ANKRD62: variants seen among roughly 807,000 people sequenced by gnomAD.
ANKRD62 encodes ankyrin repeat domain-containing protein 62.
Under a neutral mutation model 98.8 loss-of-function variants are expected in ANKRD62, and 61 were observed. The ratio of observed to expected loss-of-function variants is 0.62; its 90% CI spans 0.50 to 0.76. The LOEUF (loss-of-function observed/expected upper bound fraction) is 0.76. Ranked by LOEUF, ANKRD62 falls within the 30% of genes least tolerant of loss-of-function variation. The pLI is 0.00. For missense variants in ANKRD62, 933 were observed against 1,082.9 expected (o/e 0.86, Z 1.94); for synonymous variants, 341 against 367.9 (o/e 0.93, Z 0.84).
chr18:12,166,189 C>T, the ANKRD62 span, among the ~76,000 whole-genome samples: 150 of 152,068 alleles, frequency 9.9e-4, no homozygotes, highest in Middle Eastern at 6.8e-3. Flanking sequence ...TCCCAGGTTT[C>T]GGAAGTTCTC....
chr18:12,165,676 G>T, the ANKRD62 span, among the ~76,000 whole-genome samples: 1 of 152,018 alleles, frequency 6.6e-6, no homozygotes, highest in African/African-American at 2.4e-5. Context: ...GATAAGAGTA[G>T]TTTCACACCA....
rs189328462 is a variant in ANKRD62 at position 12,126,056 on chromosome 18, G to A, written c.2235G>A (p.Gln745=). Residue 745 remains glutamine, a synonymous_variant, in exon 13 of 14, where the codon CAG becomes CAA. Transcript: ENST00000587848. ...TGCAAGGAGTCCTAAGCCGAACACAGCGTCGATTGGAGGACATTGAACACA... is the reference window on the plus strand; with the variant it reads ...TGCAAGGAGTCCTAAGCCGAACACAACGTCGATTGGAGGACATTGAACACA... The part of the protein sequence containing the change: ...EHMQGVLSRT[Q]RRLEDIEHMY... 79 of 1,536,210 alleles carry A rather than the reference G, an allele frequency of 5.1e-5. No homozygotes were observed. The highest frequency in any genetic ancestry group is 6.7e-5 in the Non-Finnish European group (77 of 1,146,916).
intron 12 of ANKRD62, among the ~76,000 whole-genome samples, chr18:12,124,829 G>A (rs1044165058): frequency 1.3e-5 from 2 of 152,148 alleles, no homozygotes; most frequent in African/African-American, 4.8e-5. Context: ...GAAAAATCCA[G>A]CAGCTTGCTT....
intron 8 of ANKRD62, among the ~76,000 whole-genome samples, chr18:12,111,248 C>CA (rs35918523): frequency 0.43 from 53,662 of 124,432 alleles, 10,368 homozygotes; most frequent in African/African-American, 0.51. Context: ...GACTGCCTCT[C>CA]AAAAAAAAAA....
chr18:12,099,589 T>G (rs1909254904), intron 5 of ANKRD62, 26 bp from the exon 6 acceptor site: 1 of 1,404,014 alleles, frequency 7.1e-7, no homozygotes. Flanking sequence ...AAATAGTAAT[T>G]GTATTTACTG....
intron 4 of ANKRD62, among the ~76,000 whole-genome samples, chr18:12,097,108 A>C (rs9951744): frequency 0.59 from 90,293 of 151,886 alleles, 27,377 homozygotes; most frequent in Middle Eastern, 0.75. Flanking sequence ...GAGGATAATA[A>C]TATATCCTTC....
At chr18:12,173,373 A>G in the ANKRD62 span, among the ~76,000 whole-genome samples, 1 of 151,878 alleles carries the variant, frequency 6.6e-6, no homozygotes, top group Non-Finnish European at 1.5e-5. Flanking sequence ...CTTTATTTTG[A>G]GCCTATGTGT....
intron 8 of ANKRD62, among the ~76,000 whole-genome samples, chr18:12,108,177 T>C (rs920084953): frequency 6.6e-6 from 1 of 152,188 alleles, no homozygotes; most frequent in African/African-American, 2.4e-5. Context: ...CTTTAAAGCA[T>C]TGGGTTTGAT....
intron 5 of ANKRD62, among the ~76,000 whole-genome samples, chr18:12,098,033 C>T (rs1309584777): frequency 6.6e-6 from 1 of 152,188 alleles, no homozygotes; most frequent in African/African-American, 2.4e-5. Flanking sequence ...TTTGTCTTCT[C>T]TCTAGCAAAT....
chr18:12,113,838 G>A (rs1388758241), intron 8 of ANKRD62, among the ~76,000 whole-genome samples: 1 of 152,162 alleles, frequency 6.6e-6, no homozygotes. Flanking sequence ...AAAGACACAT[G>A]CATATGTTCA....
At chr18:12,099,979 C>T (rs542313852) in intron 6 of ANKRD62, among the ~76,000 whole-genome samples, 3 of 152,134 alleles carry the variant, frequency 2.0e-5, no homozygotes, top group Non-Finnish European at 2.9e-5. Context: ...GGTATGTTTT[C>T]TTTATAGTCA....
chr18:12,171,322 A>G, the ANKRD62 span, among the ~76,000 whole-genome samples: 1 of 152,106 alleles, frequency 6.6e-6, no homozygotes, highest in African/African-American at 2.4e-5. Context: ...AGCTCTTGTA[A>G]GGCAGGCCTG....
chr18:12,116,297 GCA>G (rs1181287778), intron 10 of ANKRD62, among the ~76,000 whole-genome samples: 1 of 152,140 alleles, frequency 6.6e-6, no homozygotes, highest in Non-Finnish European at 1.5e-5. Context: ...CATCTGATCA[GCA>G]CAACAGGACA....
the ANKRD62 span, among the ~76,000 whole-genome samples, chr18:12,152,082 C>CA: frequency 0.029 from 2,917 of 99,820 alleles, 71 homozygotes; most frequent in African/African-American, 0.085. Context: ...AATAAGCTAC[C>CA]AAAAAAAAAA....
At chr18:12,171,590 C>G in the ANKRD62 span, among the ~76,000 whole-genome samples, 1 of 152,132 alleles carries the variant, frequency 6.6e-6, no homozygotes, top group Non-Finnish European at 1.5e-5. Context: ...TTCATTTTAA[C>G]CTTGGTGAAT....
chr18:12,097,498 C>T (rs1909207017), intron 4 of ANKRD62, 142 bp from the exon 5 acceptor site: 22 of 916,214 alleles, frequency 2.4e-5, no homozygotes, highest in Non-Finnish European at 3.3e-5. Flanking sequence ...CCCTTGAGCA[C>T]CCAAGATGTT....
chr18:12,141,303 G>A, the ANKRD62 span, among the ~76,000 whole-genome samples: 13 of 152,302 alleles, frequency 8.5e-5, no homozygotes, highest in South Asian at 6.2e-4. Flanking sequence ...TGCACTTCCC[G>A]GGTGAGGTGA....
At chr18:12,116,815 T>G (rs1243446721) in intron 10 of ANKRD62, among the ~76,000 whole-genome samples, 1 of 152,222 alleles carries the variant, frequency 6.6e-6, no homozygotes, top group African/African-American at 2.4e-5. Context: ...GACATTAGGT[T>G]AGAATTGTGT....
chr18:12,171,290 C>T, the ANKRD62 span, among the ~76,000 whole-genome samples: 3 of 152,148 alleles, frequency 2.0e-5, no homozygotes, highest in Non-Finnish European at 4.4e-5. Context: ...TGTTCCTTTC[C>T]ATGTTTAGTG....
Sources: allele counts gnomAD v4.1 joint callset (sites outside exome capture counted in the v4.1 genomes callset), GRCh38; gene constraint gnomAD v4.1.1; transcripts MANE v1.5; gene names NCBI Gene and HGNC (gene_info 2026-07-23, HGNC 2026-07-21).